SH3TC1: variants seen among roughly 807,000 people sequenced by gnomAD.
SH3TC1 encodes the protein SH3 domain and tetratricopeptide repeat-containing protein 1.
Under a neutral mutation model 117.3 loss-of-function variants are expected in SH3TC1, and 135 were observed. The ratio of observed to expected loss-of-function variants is 1.15; its 90% CI spans 1.00 to 1.33. The LOEUF (loss-of-function observed/expected upper bound fraction) is 1.33, where lower values mean the gene tolerates loss of function less well. Among genes scored for constraint, SH3TC1 ranks in the 40% most tolerant of loss-of-function variants. SH3TC1 has a pLI of 0.00. For missense variants in SH3TC1, 2,092 were observed against 1,794.3 expected, an observed-to-expected ratio of 1.17 and a Z score of -3.00; for synonymous variants, 898 against 816.9, an observed-to-expected ratio of 1.10 and a Z score of -1.69.
chr4:8,223,694 A>C (rs71603919), intron 10 of SH3TC1, among the ~76,000 whole-genome samples: 10,914 of 148,042 alleles, frequency 0.074, 425 homozygotes, highest in Middle Eastern at 0.12. Context: ...GTGCAGTGGC[A>C]TGATCTCGGC....
chr4:8,225,286 G>T lies in SH3TC1; in HGVS notation c.1285+70G>T. ...GCCTTGGGGTAACGCTGGGGGAGGT[G>T]ACAAAGCTGAGCACGGTGGGCATTG... On this transcript the variant is annotated intron_variant, in intron 11 of 17. Transcript: ENST00000245105. The surrounding 1 kb of genome is among the most constrained non-coding windows in gnomAD (Gnocchi z 5.5). 1 of 1,537,560 alleles carries T rather than the reference G, an allele frequency of 6.5e-7. No homozygotes were observed. Among genetic ancestry groups the T allele is most frequent in the South Asian group, 1.2e-5 (1 of 85,460 alleles).
Position 8,227,641 on chromosome 4 carries a change from G to T in SH3TC1, c.1947G>T (p.Gln649His). The T allele has an allele frequency of 6.5e-7, 1 of 1,527,344 alleles. No individual in the cohort carries two copies. Among genetic ancestry groups the T allele is most frequent in the Non-Finnish European group, 8.8e-7 (1 of 1,140,516 alleles). 94.6% of individuals were successfully genotyped at this position (1,527,344 alleles called of 1,614,324 possible). The change falls in exon 12 of 18, where the codon CAG becomes CAT. Residue 649 changes from glutamine to histidine, a missense_variant. Physicochemically the swap from Gln to His is conservative, Grantham distance 24. Transcript: ENST00000245105. ...CCGAGGCGGAGGGGGAGCTCCTGCA[G>T]CTGGCGCTGCGGCGGGCGGTGGGTG... Reference protein sequence around the residue: ...CSTEAEGELLQLALRRAVGGQ... With the variant: ...CSTEAEGELLHLALRRAVGGQ...
At chr4:8,215,217 A>G in intron 5 of SH3TC1, 1 of 456,258 alleles carries the variant, frequency 2.2e-6, no homozygotes. Context: ...CTGACCGGGA[A>G]AGCTGTTATT....
rs201439608 is a variant in SH3TC1, at chr4:8,187,184, G to A, written c.-57+4974G>A. ...ACACTATCAGTTGGATTTGTCTGACGTGTTTCTCATATTAGACAGGGGATA... is the reference window on the plus strand; with the variant it reads ...ACACTATCAGTTGGATTTGTCTGACATGTTTCTCATATTAGACAGGGGATA... On this transcript the variant is annotated intron_variant, in intron 1 of 16. Transcript: ENST00000508641. 2.9e-3 allele frequency among the ~76,000 whole-genome samples: 439 copies of A among 152,290 alleles called. 3 individuals are homozygous for A. The highest frequency in any genetic ancestry group is 0.01 in the African/African-American group (423 of 41,542).
intron 1 of SH3TC1, among the ~76,000 whole-genome samples, 153 bp downstream of exon 1, chr4:8,199,558 G>A (rs1218936643): frequency 1.3e-5 from 2 of 152,234 alleles, no homozygotes; most frequent in Admixed American, 6.5e-5. Context: ...GGGGCCTCGG[G>A]GAGGTCGTCG....
chr4:8,228,070 G>T lies in SH3TC1; in HGVS notation c.2376G>T (p.Leu792Phe). ...QALRGPLYTS[L>F]AQLYSHHGCH... ...TGCGCGGCCCCCTCTACACCAGCTT[G>T]GCCCAGCTGTACAGCCACCATGGCT... The change falls in exon 12 of 18, where the codon TTG (leucine) becomes TTT (phenylalanine). Residue 792 changes from leucine (L) to phenylalanine (F), a missense_variant. By Grantham distance (22) the Leu-to-Phe change is conservative (BLOSUM62 0). Transcript: ENST00000245105. 2 of 1,606,124 alleles carry T rather than the reference G, an allele frequency of 1.2e-6. No individual in the cohort carries two copies. Among genetic ancestry groups the T allele is most frequent in the Non-Finnish European group, 1.7e-6 (2 of 1,175,650 alleles).
intron 17 of SH3TC1, among the ~76,000 whole-genome samples, chr4:8,239,385 A>G (rs1042906140): frequency 2.0e-5 from 3 of 150,378 alleles, no homozygotes; most frequent in Non-Finnish European, 3.0e-5. Flanking sequence ...ACACAGGCAC[A>G]GGCCCCATGT....
chr4:8,240,112 G>T (rs1050882164), intron 17 of SH3TC1, among the ~76,000 whole-genome samples: 2 of 152,202 alleles, frequency 1.3e-5, no homozygotes, highest in African/African-American at 4.8e-5. Context: ...GTGGGGGATG[G>T]GAGGGTCAAG....
chr4:8,200,074 T>C (rs1464647631), intron 1 of SH3TC1, among the ~76,000 whole-genome samples: 1 of 152,218 alleles, frequency 6.6e-6, no homozygotes, highest in African/African-American at 2.4e-5. Context: ...CTGGGAGCCC[T>C]GCCCTGTCTG....
chr4:8,211,201 C>T (rs1284095196), intron 3 of SH3TC1, among the ~76,000 whole-genome samples: 3 of 98,866 alleles, frequency 3.0e-5, no homozygotes, highest in African/African-American at 4.2e-5. Context: ...CCCCTTTTCT[C>T]CCCACTCCCT....
At chr4:8,218,510 C>G (rs182812422) in intron 8 of SH3TC1, among the ~76,000 whole-genome samples, 163 bp downstream of exon 8, 9 of 152,198 alleles carry the variant, frequency 5.9e-5, no homozygotes, top group Middle Eastern at 3.4e-3. Context: ...TGGCAAAAAC[C>G]GCAATTACTT....
At chr4:8,232,216 G>A (rs2276947) in intron 13 of SH3TC1, 60 bp downstream of exon 13, 125,326 of 725,358 alleles carry the variant, frequency 0.17, 22,394 homozygotes, top group Admixed American at 0.25. Flanking sequence ...GCGGCGGGGC[G>A]GGGGCACAGG....
chr4:8,232,428 A>G (rs1247818658), intron 13 of SH3TC1: 4 of 1,546,308 alleles, frequency 2.6e-6, no homozygotes, highest in Non-Finnish European at 2.6e-6. Flanking sequence ...CCCCAGCAGA[A>G]GCAGTTACAT....
chr4:8,192,638 C>T lies in SH3TC1; in HGVS notation c.-57+10428C>T, dbSNP rs1308639500. ...CCTCCTGAGTAGCTGGGATCACAGG[C>T]GTGTGCCACAACGCCCAGCTAATTT... On this transcript the variant is annotated intron_variant, in intron 1 of 16. Transcript: ENST00000508641. This position sits in a 1 kb window ranked among gnomAD's most constrained non-coding sequence, Gnocchi z 4.1. 1.3e-5 allele frequency among the ~76,000 whole-genome samples: 2 copies of T among 152,082 alleles called. No individual in the cohort carries two copies. The highest frequency in any genetic ancestry group is 1.9e-4 in the East Asian group (1 of 5,170).
Position 8,231,776 on chromosome 4 carries a change from G to A in SH3TC1, c.2951-200G>A, listed in dbSNP as rs1721242240. The A allele has an allele frequency of 6.5e-6, 4 of 611,286 alleles. No homozygotes were observed. The South Asian group carries it at 8.2e-5, about 12-fold the overall frequency. 37.9% of individuals were successfully genotyped at this position (611,286 alleles called of 1,614,324 possible). ...CTCGGCTAGGGCCTCAGCCCTGGGA[G>A]TTGTAAAGAAGGCCGGCCTCTACCA... is the stretch of plus-strand genomic sequence containing the variant. On this transcript the variant is annotated intron_variant, in intron 12 of 17. Transcript: ENST00000245105.
intron 4 of SH3TC1, chr4:8,213,138 A>T: frequency 2.6e-6 from 1 of 384,744 alleles, no homozygotes; most frequent in Non-Finnish European, 4.7e-6. Context: ...AGTCTCTTTG[A>T]TGGGGAGTTA....
At position 8,190,522 on chromosome 4, in the gene SH3TC1, C is replaced by CT. The variant is rs1717383996; in HGVS notation, c.-57+8314dup. 6.6e-6 allele frequency among the ~76,000 whole-genome samples: 1 copy of CT among 152,122 alleles called. No homozygotes were observed. The highest frequency in any genetic ancestry group is 2.1e-4 in the South Asian group (1 of 4,824). ...CCCGGGCTCTTGGGAGAATGGCAGC[C>CT]TTGCAGCCCCTGCTGTGTGCCCTCA... On this transcript the variant is annotated intron_variant, in intron 1 of 16. Coordinates refer to the SH3TC1 transcript ENST00000508641. This position sits in a 1 kb window ranked among gnomAD's most constrained non-coding sequence, Gnocchi z 4.7.
intron 14 of SH3TC1, 95 bp downstream of exon 14, chr4:8,233,608 A>G: frequency 7.1e-7 from 1 of 1,401,642 alleles, no homozygotes; most frequent in Non-Finnish European, 9.5e-7. Flanking sequence ...TCCTTCCATC[A>G]TCTATCCATT....
intron 13 of SH3TC1, 49 bp from the exon 14 acceptor site, chr4:8,233,314 G>A: frequency 6.4e-7 from 1 of 1,560,072 alleles, no homozygotes; most frequent in Non-Finnish European, 8.7e-7. Flanking sequence ...AGGCAGACTG[G>A]TTCCAGGAGG....
Sources: allele counts gnomAD v4.1 joint callset (sites outside exome capture counted in the v4.1 genomes callset), GRCh38; gene constraint gnomAD v4.1.1; non-coding constraint Gnocchi (gnomAD v3.1); transcripts MANE v1.5; gene names NCBI Gene and HGNC (gene_info 2026-07-23, HGNC 2026-07-21).